The following LOC131768270 variants were observed in gnomAD, a reference collection of about 807,000 sequenced individuals.
the LOC131768270 span, chr5:140,567,725 C>T: frequency 2.5e-6 from 4 of 1,614,178 alleles, no homozygotes; most frequent in South Asian, 2.2e-5. Flanking sequence ...GCATATCACT[C>T]CGCTAGGCCT....
At chr5:140,567,412 A>G in the LOC131768270 span, 1 of 1,613,900 alleles carries the variant, frequency 6.2e-7, no homozygotes, top group Non-Finnish European at 8.5e-7. Context: ...AGGGGCCCCC[A>G]CCCTGGCGCC....
chr5:140,568,790 C>T, the LOC131768270 span: 1 of 167,732 alleles, frequency 6.0e-6, no homozygotes, highest in Non-Finnish European at 1.5e-5. Flanking sequence ...CTGGGCTTGA[C>T]TCATCTCAGG....
chr5:140,566,673 G>A, the LOC131768270 span: 1 of 504,640 alleles, frequency 2.0e-6, no homozygotes, highest in Non-Finnish European at 3.5e-6. Context: ...CACCTGCACT[G>A]GCATCTATGC....
the LOC131768270 span, chr5:140,567,756 GC>G: frequency 6.2e-7 from 1 of 1,614,066 alleles, no homozygotes; most frequent in Non-Finnish European, 8.5e-7. Context: ...ATTCTGTACT[GC>G]CTCATCTCAG....
chr5:140,567,420 G>A, the LOC131768270 span: 60 of 1,614,112 alleles, frequency 3.7e-5, 2 homozygotes, highest in East Asian at 6.5e-4. Flanking sequence ...CCACCCTGGC[G>A]CCAGGCTGCT....
At chr5:140,568,203 C>T in the LOC131768270 span, 5 of 1,611,834 alleles carry the variant, frequency 3.1e-6, no homozygotes, top group African/African-American at 5.3e-5. Context: ...CCACCAGATC[C>T]CCCTCCCAGG....
the LOC131768270 span, chr5:140,564,859 GT>G: frequency 2.5e-6 from 1 of 405,252 alleles, no homozygotes; most frequent in South Asian, 1.1e-4. This position sits in a 1 kb window ranked among gnomAD's most constrained non-coding sequence, Gnocchi z 5.0. Flanking sequence ...GGATGACAAG[GT>G]GAGTGGCCGT....
At chr5:140,566,509 C>T in the LOC131768270 span, 3 of 410,690 alleles carry the variant, frequency 7.3e-6, no homozygotes, top group African/African-American at 4.1e-5. Context: ...CTTGAGTAGC[C>T]CCTGGACAGT....
At chr5:140,568,166 A>C in the LOC131768270 span, 1 of 1,613,516 alleles carries the variant, frequency 6.2e-7, no homozygotes, top group Non-Finnish European at 8.5e-7. Flanking sequence ...TTCCACCCTG[A>C]TTCCGGACCC....
At chr5:140,567,515 C>A in the LOC131768270 span, 31 of 1,614,036 alleles carry the variant, frequency 1.9e-5, no homozygotes, top group South Asian at 3.4e-4. Context: ...CAGCACCTAC[C>A]AGGTGCTGAG....
the LOC131768270 span, chr5:140,568,438 A>G: frequency 2.2e-6 from 1 of 454,036 alleles, no homozygotes; most frequent in South Asian, 2.6e-5. Context: ...CCTGAGAAAT[A>G]ACCCCATCCT....
At chr5:140,565,290 TACAC>T in the LOC131768270 span, 227 of 175,156 alleles carry the variant, frequency 1.3e-3, no homozygotes, top group African/African-American at 5.2e-3. Flanking sequence ...TCCATTTACT[TACAC>T]ACTTGCCGAC....
chr5:140,567,459 G>A, the LOC131768270 span: 2 of 1,614,122 alleles, frequency 1.2e-6, no homozygotes, highest in Non-Finnish European at 1.7e-6. Flanking sequence ...CTGCTCTATG[G>A]CGCTAACAAC....
the LOC131768270 span, chr5:140,567,746 A>G: frequency 1.2e-6 from 2 of 1,614,024 alleles, no homozygotes; most frequent in East Asian, 4.5e-5. Context: ...GCTGCTCCTC[A>G]TTCTGTACTG....
At chr5:140,567,362 T>C in the LOC131768270 span, 18 of 1,614,092 alleles carry the variant, frequency 1.1e-5, no homozygotes, top group African/African-American at 6.7e-5. Context: ...GCTACTGTTA[T>C]GCGCCTTCTC....
the LOC131768270 span, chr5:140,565,937 G>A: frequency 7.5e-6 from 3 of 398,850 alleles, no homozygotes; most frequent in East Asian, 7.1e-5. Context: ...CTGCAGCGGC[G>A]TGTAGAAGAC....
the LOC131768270 span, chr5:140,567,677 A>C: frequency 1.9e-6 from 3 of 1,614,058 alleles, no homozygotes; most frequent in South Asian, 3.3e-5. Flanking sequence ...CACCCTTCCC[A>C]GTCCCCCTCC....
the LOC131768270 span, among the ~76,000 whole-genome samples, chr5:140,566,257 T>C: frequency 5.9e-5 from 9 of 152,130 alleles, no homozygotes; most frequent in African/African-American, 2.2e-4. Flanking sequence ...TCCATTTGGC[T>C]ACAGTAGTTG....
chr5:140,567,846 CTT>C, the LOC131768270 span: 8 of 1,614,052 alleles, frequency 5.0e-6, no homozygotes, highest in Admixed American at 1.7e-5. Context: ...TTCCTCTACA[CTT>C]TTGGTGTGCT....
Sources: allele counts gnomAD v4.1 joint callset (sites outside exome capture counted in the v4.1 genomes callset), GRCh38; gene constraint gnomAD v4.1.1; non-coding constraint Gnocchi (gnomAD v3.1); transcripts MANE v1.5.